The following NAV1 variants were observed in gnomAD, a reference collection of about 807,000 sequenced individuals.
NAV1 encodes the protein pore membrane and/or filament interacting like protein 3.
NAV1 carries 18 observed loss-of-function variants against 175.2 expected under a neutral mutation model. That is an observed-to-expected ratio of 0.10 (90% CI 0.07 to 0.15). The LOEUF (loss-of-function observed/expected upper bound fraction) is 0.15. Among genes scored for constraint, NAV1 ranks in the 10% least tolerant of loss-of-function variants. The pLI, the probability that NAV1 is intolerant of heterozygous loss-of-function variation, is 1.00. For missense variants in NAV1, 1,731 were observed against 2,436.6 expected (o/e 0.71, Z 6.10); for synonymous variants, 897 against 978.7 (o/e 0.92, Z 1.56).
exon 30 of NAV1, chr1:201,824,731 A>C (rs1679577391): frequency 6.6e-6 from 1 of 152,032 alleles, no homozygotes; most frequent in South Asian, 2.1e-4. Flanking sequence ...CATGGAAGTA[A>C]GTGAGTGATC....
Position 201,788,319 on chromosome 1 carries a change from C to A in NAV1, c.2996-149C>A. ...CCAGCTGCTTGCACACTCCCACCAC[C>A]GCACCTGCCCCTTCCTCTCCTGCCC... is the stretch of plus-strand genomic sequence containing the variant. On this transcript the variant is annotated intron_variant, in intron 9 of 29. Transcript: ENST00000367296. The surrounding 1 kb of genome is among the most constrained non-coding windows in gnomAD (Gnocchi z 5.7). 6 of 768,992 alleles carry A rather than the reference C, an allele frequency of 7.8e-6. No homozygotes were observed. Among genetic ancestry groups the A allele is most frequent in the Non-Finnish European group, 1.3e-5 (6 of 463,854 alleles). The allele number at this position is 768,992 out of a possible 1,614,324, so 47.6% of individuals were successfully genotyped here.
intron 3 of NAV1, among the ~76,000 whole-genome samples, chr1:201,751,514 A>C (rs942416177): frequency 1.3e-5 from 2 of 152,226 alleles, no homozygotes; most frequent in Non-Finnish European, 2.9e-5. Context: ...GTCTGAATGG[A>C]AAGTGCATCA....
At chr1:201,564,413 G>A (rs1470008979) in intron 1 of NAV1, among the ~76,000 whole-genome samples, 3 of 152,058 alleles carry the variant, frequency 2.0e-5, no homozygotes, top group Non-Finnish European at 2.9e-5. Context: ...TCAGGTGTTC[G>A]AGACCAGCCT....
intron 1 of NAV1, among the ~76,000 whole-genome samples, chr1:201,628,929 G>C (rs996719391): frequency 1.3e-5 from 2 of 152,092 alleles, no homozygotes; most frequent in African/African-American, 2.4e-5. Flanking sequence ...CCTGGACTAC[G>C]AGCAAGCCCA....
At chr1:201,620,495 C>G (rs941731530), upstream of NAV1, among the ~76,000 whole-genome samples, 18 of 126,190 alleles carry the variant, frequency 1.4e-4, no homozygotes, top group Admixed American at 1.4e-3. Flanking sequence ...GTCTCGCTCT[C>G]TCGTTCAGGC....
intron 3 of NAV1, chr1:201,737,191 A>C (rs1233487539): frequency 6.6e-6 from 1 of 152,228 alleles, no homozygotes; most frequent in Non-Finnish European, 1.5e-5. Flanking sequence ...CCCTGACCTG[A>C]AAATAGCAGG....
chr1:201,803,336 A>G (rs1476670327), intron 15 of NAV1, among the ~76,000 whole-genome samples: 3 of 152,250 alleles, frequency 2.0e-5, no homozygotes, highest in Non-Finnish European at 2.9e-5. Flanking sequence ...AGCTGAGTCC[A>G]TGACTCCATG....
At chr1:201,698,959 C>T (rs1334549011) in intron 1 of NAV1, among the ~76,000 whole-genome samples, 2 of 152,212 alleles carry the variant, frequency 1.3e-5, no homozygotes, top group Non-Finnish European at 1.5e-5. Context: ...GAAGACGGGC[C>T]CGCTCTGTAA....
At chr1:201,574,115 T>A (rs551329566) in intron 1 of NAV1, among the ~76,000 whole-genome samples, 2 of 151,988 alleles carry the variant, frequency 1.3e-5, no homozygotes, top group African/African-American at 4.8e-5. Context: ...TTTATAAGCA[T>A]TTACTGAGCA....
intron 1 of NAV1, among the ~76,000 whole-genome samples, chr1:201,549,158 CTCTT>C (rs1452594621): frequency 2.8e-5 from 4 of 142,982 alleles, no homozygotes; most frequent in African/African-American, 7.8e-5. Context: ...TTCTCTCTCT[CTCTT>C]TCTTTCTTCC....
At chr1:201,583,263 C>T (rs1666923541) in intron 1 of NAV1, among the ~76,000 whole-genome samples, 1 of 152,276 alleles carries the variant, frequency 6.6e-6, no homozygotes, top group Non-Finnish European at 1.5e-5. Context: ...GATCGCTGTG[C>T]TTGTCGGAGA....
intron 3 of NAV1, among the ~76,000 whole-genome samples, chr1:201,751,226 T>C (rs2102596213): frequency 6.6e-6 from 1 of 152,356 alleles, no homozygotes; most frequent in Admixed American, 6.5e-5. Flanking sequence ...AAGAGGCATC[T>C]TGACGAAAGC....
intron 2 of NAV1, among the ~76,000 whole-genome samples, chr1:201,606,848 T>C (rs1571843170): frequency 6.6e-6 from 1 of 152,350 alleles, no homozygotes; most frequent in South Asian, 2.1e-4. Flanking sequence ...AAAACAGATG[T>C]AATGAGTCAA....
intron 1 of NAV1, among the ~76,000 whole-genome samples, chr1:201,565,552 G>GATTCAC (rs1372566591): frequency 1.3e-5 from 2 of 152,256 alleles, no homozygotes; most frequent in African/African-American, 2.4e-5. Flanking sequence ...GAGATCACAA[G>GATTCAC]GGAACAGAAG....
chr1:201,587,413 T>A (rs1667066766), intron 1 of NAV1, among the ~76,000 whole-genome samples: 1 of 152,090 alleles, frequency 6.6e-6, no homozygotes, highest in African/African-American at 2.4e-5. Context: ...TTGCTGGACA[T>A]GGTGGCTCAT....
chr1:201,683,269 G>A (rs1184641889), intron 1 of NAV1, among the ~76,000 whole-genome samples: 2 of 152,182 alleles, frequency 1.3e-5, no homozygotes, highest in East Asian at 3.8e-4. Context: ...GGGGGATGAA[G>A]ACCACAGAAG....
At chr1:201,633,133 T>C (rs554269393) in intron 2 of NAV1, among the ~76,000 whole-genome samples, 6 of 152,248 alleles carry the variant, frequency 3.9e-5, no homozygotes, top group African/African-American at 1.4e-4. Flanking sequence ...GAGATGAGAC[T>C]CAGAGAAGAG....
chr1:201,695,789 G>A (rs1671164839), intron 1 of NAV1, among the ~76,000 whole-genome samples: 1 of 152,130 alleles, frequency 6.6e-6, no homozygotes, highest in African/African-American at 2.4e-5. Flanking sequence ...CTTTGATAGG[G>A]GTCCAAAGGC....
At chr1:201,821,684 CT>C (rs2102848448) in exon 30 of NAV1, 2 of 152,268 alleles carry the variant, frequency 1.3e-5, no homozygotes, top group South Asian at 4.2e-4. Flanking sequence ...TAGAAAGAAG[CT>C]TTTGATTAGA....
Sources: gnomAD v4.1 joint callset for allele counts (sites outside exome capture counted in the v4.1 genomes callset) on GRCh38, gnomAD v4.1.1 for gene constraint, Gnocchi (gnomAD v3.1) non-coding constraint, MANE v1.5 for transcripts, NCBI Gene and HGNC (gene_info 2026-07-23, HGNC 2026-07-21) for gene names.